The following MICU1 variants were observed in gnomAD, a reference collection of about 807,000 sequenced individuals.
The protein encoded by MICU1 is calcium uptake protein 1, mitochondrial.
A neutral mutation model predicts 56.8 loss-of-function variants in MICU1; 45 were observed. The ratio of observed to expected loss-of-function variants is 0.79; its 90% confidence interval spans 0.62 to 1.02. The LOEUF is 1.02. MICU1 is among the 50% of genes least tolerant of loss of function. MICU1 has a pLI of 0.00. For missense variants in MICU1, 504 were observed against 587.1 expected (o/e 0.86, Z 1.46); for synonymous variants, 186 against 195.1 (o/e 0.95, Z 0.39).
At chr10:72,528,513 G>C (rs1023444282) in intron 5 of MICU1, among the ~76,000 whole-genome samples, 11 of 152,170 alleles carry the variant, frequency 7.2e-5, no homozygotes, top group African/African-American at 2.7e-4. Flanking sequence ...AGCCAAGAGA[G>C]AGAGGGAAAG....
chr10:72,591,821 G>A (rs1400943294), intron 1 of MICU1, among the ~76,000 whole-genome samples: 1 of 151,902 alleles, frequency 6.6e-6, no homozygotes, highest in Non-Finnish European at 1.5e-5. Context: ...ACACCAGACC[G>A]AGCAACATGG....
At chr10:72,555,457 G>C (rs1202023680) in intron 3 of MICU1, among the ~76,000 whole-genome samples, 1 of 152,132 alleles carries the variant, frequency 6.6e-6, no homozygotes, top group Non-Finnish European at 1.5e-5. Flanking sequence ...GATATGGACA[G>C]TGGTGAACAT....
intron 5 of MICU1, among the ~76,000 whole-genome samples, chr10:72,533,529 G>C (rs1394874002): frequency 6.6e-6 from 1 of 152,116 alleles, no homozygotes; most frequent in Non-Finnish European, 1.5e-5. Flanking sequence ...AATATAAACA[G>C]GAGGCAATAC....
At chr10:72,453,148 A>G (rs1865350022) in intron 8 of MICU1, among the ~76,000 whole-genome samples, 2 of 152,184 alleles carry the variant, frequency 1.3e-5, no homozygotes, top group African/African-American at 2.4e-5. Flanking sequence ...CAACTCCACA[A>G]TTTATTATTT....
chr10:72,469,637 T>C (rs1196960487), intron 8 of MICU1, among the ~76,000 whole-genome samples: 1 of 152,126 alleles, frequency 6.6e-6, no homozygotes, highest in East Asian at 1.9e-4. Flanking sequence ...TAGGTGGCAG[T>C]GGGTATAAAT....
intron 4 of MICU1, among the ~76,000 whole-genome samples, chr10:72,535,245 C>T (rs1463140315): frequency 6.6e-6 from 1 of 151,570 alleles, no homozygotes; most frequent in Non-Finnish European, 1.5e-5. Context: ...GGCCAGGCTA[C>T]TAGGTCAGGT....
chr10:72,564,089 C>T (rs981516703), intron 2 of MICU1, among the ~76,000 whole-genome samples: 5 of 152,186 alleles, frequency 3.3e-5, no homozygotes, highest in African/African-American at 1.2e-4. Context: ...TTAAATATTA[C>T]AGAACTGATG....
At chr10:72,408,244 T>G (rs1863693156) in intron 9 of MICU1, among the ~76,000 whole-genome samples, 1 of 152,228 alleles carries the variant, frequency 6.6e-6, no homozygotes, top group Non-Finnish European at 1.5e-5. Flanking sequence ...AACTGGCTAG[T>G]TGCTTCCCTC....
intron 10 of MICU1, among the ~76,000 whole-genome samples, chr10:72,389,913 G>A (rs914496746): frequency 1.3e-5 from 2 of 152,188 alleles, no homozygotes; most frequent in African/African-American, 4.8e-5. Flanking sequence ...TCAGCCAGCC[G>A]CTGAGAGGTC....
chr10:72,559,384 G>T (rs1189928575), intron 3 of MICU1, among the ~76,000 whole-genome samples: 1 of 151,534 alleles, frequency 6.6e-6, no homozygotes, highest in Admixed American at 6.6e-5. Flanking sequence ...AGTGTTGGGT[G>T]TTTATAAAAT....
At position 72,594,206 on chromosome 10, in the gene MICU1, C is replaced by T. The variant is rs1047784862; in HGVS notation, c.-1-27412G>A. 2.6e-5 allele frequency among the ~76,000 whole-genome samples: 4 copies of T among 152,200 alleles called. No homozygotes were observed. In the South Asian group the frequency reaches 8.3e-4, roughly 31 times the overall value. On this transcript the variant is annotated intron_variant, in intron 1 of 11. Coordinates refer to ENST00000361114, the MANE Select transcript of MICU1 (RefSeq NM_001195518.2). ...AATAAAGTCCAGAAACAAGCCCTCACATACGTGGTCACATGATTTCTGACA... is the reference window on the plus strand; with the variant it reads ...AATAAAGTCCAGAAACAAGCCCTCATATACGTGGTCACATGATTTCTGACA...
intron 8 of MICU1, among the ~76,000 whole-genome samples, chr10:72,431,570 G>A (rs981266645): frequency 6.6e-6 from 1 of 152,098 alleles, no homozygotes; most frequent in African/African-American, 2.4e-5. Flanking sequence ...TGAGACTAGG[G>A]TATATATCTG....
chr10:72,471,930 T>C (rs1865963675), intron 8 of MICU1, among the ~76,000 whole-genome samples: 1 of 150,266 alleles, frequency 6.7e-6, no homozygotes, highest in South Asian at 2.1e-4. Context: ...CACTATGCCT[T>C]TGTGTGTGTG....
intron 1 of MICU1, among the ~76,000 whole-genome samples, chr10:72,612,035 A>T (rs1014012190): frequency 6.7e-6 from 1 of 150,120 alleles, no homozygotes; most frequent in Non-Finnish European, 1.5e-5. Context: ...AAAAAATCAC[A>T]AAGCTAGATA....
chr10:72,530,372 A>AATAATAATAATAATG (rs538954555), intron 5 of MICU1, among the ~76,000 whole-genome samples: 12,398 of 143,824 alleles, frequency 0.086, 752 homozygotes, highest in Non-Finnish European at 0.12. Context: ...TAATAATAAT[A>AATAATAATAATAATG]ATGCCAGAAT....
intron 8 of MICU1, among the ~76,000 whole-genome samples, chr10:72,442,207 A>G (rs905264055): frequency 2.0e-5 from 3 of 151,868 alleles, no homozygotes; most frequent in African/African-American, 7.3e-5. Context: ...CCCAGGTGCA[A>G]TCTTGGCTCA....
chr10:72,421,051 G>T (rs1864153803), intron 9 of MICU1, among the ~76,000 whole-genome samples: 1 of 142,836 alleles, frequency 7.0e-6, no homozygotes, highest in Admixed American at 7.0e-5. Flanking sequence ...AAAAAGAAAA[G>T]AAAAATAAAA....
intron 8 of MICU1, among the ~76,000 whole-genome samples, chr10:72,451,850 T>C (rs913084272): frequency 6.6e-6 from 1 of 151,790 alleles, no homozygotes; most frequent in Non-Finnish European, 1.5e-5. Context: ...GCCGAAGATA[T>C]TAACATTAGT....
rs538060531 is a variant in MICU1 at position 72,417,879 on chromosome 10, T to G, written c.1071+5355A>C. On this transcript the variant is annotated intron_variant, in intron 9 of 11. Transcript: ENST00000361114. ...CCTTTGTATTAGTTCGTTCTTATGC[T>G]GTTAATAAAGACATACCTGAGACCA... 9.2e-5 allele frequency among the ~76,000 whole-genome samples: 14 copies of G among 152,324 alleles called. No homozygotes were observed. In the South Asian group the frequency reaches 2.9e-3, roughly 32 times the overall value.
Sources: gnomAD v4.1 joint callset for allele counts (sites outside exome capture counted in the v4.1 genomes callset) on GRCh38, gnomAD v4.1.1 for gene constraint, MANE v1.5 for transcripts, NCBI Gene and HGNC (gene_info 2026-07-23, HGNC 2026-07-21) for gene names.